MTARC2: variants seen among roughly 807,000 people sequenced by gnomAD.
MTARC2 encodes the protein MOCO sulphurase C-terminal domain containing 2.
In MTARC2, 27 loss-of-function variants were observed where a neutral mutation model predicts 35.6. That is an observed-to-expected ratio of 0.76 (90% confidence interval 0.56 to 1.04). MTARC2 has a LOEUF of 1.04. MTARC2 is among the 50% of genes least tolerant of loss of function. The pLI, the probability that MTARC2 is intolerant of heterozygous loss-of-function variation, is 0.00. For synonymous variants in MTARC2, 158 were observed against 167.1 expected, an observed-to-expected ratio of 0.95 and a Z score of 0.42; for missense variants, 412 against 432.5, an observed-to-expected ratio of 0.95 and a Z score of 0.42.
At chr1:220,768,744 G>T (rs1280414787) in intron 4 of MTARC2, among the ~76,000 whole-genome samples, 1 of 152,132 alleles carries the variant, frequency 6.6e-6, no homozygotes, top group Non-Finnish European at 1.5e-5. Flanking sequence ...AGGAAGATTA[G>T]CCTGAATTTC....
chr1:220,765,825 G>T (rs2102555816), intron 4 of MTARC2, among the ~76,000 whole-genome samples: 1 of 152,322 alleles, frequency 6.6e-6, no homozygotes, highest in East Asian at 1.9e-4. Flanking sequence ...CAAGCAATCT[G>T]CCTGTCTTGG....
rs371722709 is a variant in MTARC2, at chr1:220,772,700, T to TTGTGTGTGTG, written c.751-7308_751-7299dup. 4.3e-4 allele frequency among the ~76,000 whole-genome samples: 64 copies of TTGTGTGTGTG among 148,718 alleles called. 1 individual carries two copies. Among genetic ancestry groups the TTGTGTGTGTG allele is most frequent in the African/African-American group, 1.5e-3 (60 of 40,606 alleles). On this transcript the variant is annotated intron_variant, in intron 4 of 7. Transcript: ENST00000366913. ...CTGGGCAGGGTGTGTGTGTGTGTGT[T>TTGTGTGTGTG]TGTGTGTGTGTGTGTGTGTTTGGGG...
chr1:220,769,957 A>AT (rs1671695554), intron 4 of MTARC2, among the ~76,000 whole-genome samples: 1 of 147,690 alleles, frequency 6.8e-6, no homozygotes, highest in East Asian at 2.0e-4. Flanking sequence ...AAAAAAAAAA[A>AT]TTAAGCGGGC....
chr1:220,779,834 G>A, intron 4 of MTARC2, 184 bp from the exon 5 acceptor site: 1 of 459,976 alleles, frequency 2.2e-6, no homozygotes, highest in African/African-American at 2.0e-5. Context: ...TGGGAGTCAA[G>A]AGGTGGACCT....
intron 4 of MTARC2, among the ~76,000 whole-genome samples, chr1:220,776,196 G>T (rs538653575): frequency 6.6e-6 from 1 of 152,146 alleles, no homozygotes; most frequent in Non-Finnish European, 1.5e-5. Context: ...GTTATTTTTT[G>T]ACTTTTTAGT....
chr1:220,779,423 T>A (rs1294904618), intron 4 of MTARC2, among the ~76,000 whole-genome samples: 1 of 152,226 alleles, frequency 6.6e-6, no homozygotes, highest in Non-Finnish European at 1.5e-5. Context: ...AAAATGGGGC[T>A]CATGATAGCG....
At chr1:220,768,804 T>G (rs1014452326) in intron 4 of MTARC2, among the ~76,000 whole-genome samples, 1 of 152,236 alleles carries the variant, frequency 6.6e-6, no homozygotes, top group Non-Finnish European at 1.5e-5. Flanking sequence ...GAAAGTCATT[T>G]TTCTTTCGTA....
chr1:220,751,899 C>G (rs443071), intron 1 of MTARC2, among the ~76,000 whole-genome samples: 57,287 of 152,150 alleles, frequency 0.38, 14,308 homozygotes, highest in East Asian at 0.71. Flanking sequence ...GTTATTCATT[C>G]ACTGGGCATC....
At chr1:220,773,435 G>T (rs1671801037) in intron 4 of MTARC2, among the ~76,000 whole-genome samples, 1 of 152,192 alleles carries the variant, frequency 6.6e-6, no homozygotes, top group Admixed American at 6.5e-5. Context: ...AATAAGTCAG[G>T]AACAACAGTA....
At position 220,748,408 on chromosome 1, in the gene MTARC2, G is replaced by T; in HGVS notation, c.-124G>T. 2.0e-6 allele frequency: 2 copies of T among 998,396 alleles called. No individual in the cohort carries two copies. The highest frequency in any genetic ancestry group is 2.6e-6 in the Non-Finnish European group (2 of 762,794). The allele number at this position is 998,396 out of a possible 1,614,324, so 61.8% of individuals were successfully genotyped here. A position where few individuals can be genotyped will look rare whatever the true frequency, so the allele number is the denominator to read the frequency against. On this transcript the variant is annotated 5_prime_UTR_variant, in exon 1 of 8. The change creates a new upstream start codon in the 5' untranslated region. Coordinates refer to ENST00000366913, the MANE Select transcript of MTARC2 (RefSeq NM_017898.5). ...CCGTCTCGGCGGTGAAAGTGTGAGA[G>T]GGTCCGTAGTTGGGTCAACTTTGAC...
Position 220,781,726 on chromosome 1 carries a change from T to C in MTARC2, c.885-52T>C, listed in dbSNP as rs1282877759. The stretch of plus-strand genomic sequence containing the variant: ...AAACTTGAGTTCTATTGAGAATACT[T>C]CGATTATTATTTCCTTTTTGTGTCT... On this transcript the variant is annotated intron_variant, in intron 6 of 7. Coordinates refer to ENST00000366913, the MANE Select transcript of MTARC2 (RefSeq NM_017898.5). 8 of 1,604,144 alleles carry C rather than the reference T, an allele frequency of 5.0e-6. No homozygotes were observed. In the East Asian group the frequency reaches 1.8e-4, roughly 36 times the overall value.
intron 4 of MTARC2, among the ~76,000 whole-genome samples, chr1:220,776,035 A>G (rs1572316730): frequency 6.6e-6 from 1 of 152,346 alleles, no homozygotes; most frequent in South Asian, 2.1e-4. Flanking sequence ...TCCTTTGGGT[A>G]TATACCCAGT....
At chr1:220,762,336 T>C (rs1463520987) in intron 3 of MTARC2, among the ~76,000 whole-genome samples, 2 of 152,146 alleles carry the variant, frequency 1.3e-5, no homozygotes, top group South Asian at 2.1e-4. Context: ...AGTGCCGACA[T>C]GTACGATGGT....
At chr1:220,777,268 G>A (rs1366232433) in intron 4 of MTARC2, among the ~76,000 whole-genome samples, 5 of 152,218 alleles carry the variant, frequency 3.3e-5, no homozygotes, top group Non-Finnish European at 2.9e-5. Flanking sequence ...GTCATGCCCT[G>A]TAGGAGATTT....
chr1:220,780,761 C>A (rs6701709), intron 6 of MTARC2, among the ~76,000 whole-genome samples: 1 of 151,912 alleles, frequency 6.6e-6, no homozygotes, highest in Non-Finnish European at 1.5e-5. Flanking sequence ...ACTTTTAATT[C>A]TATAATACTA....
chr1:220,748,885 G>A, intron 1 of MTARC2, 82 bp downstream of exon 1: 1 of 1,434,528 alleles, frequency 7.0e-7, no homozygotes, highest in Non-Finnish European at 9.1e-7. Flanking sequence ...CGATCTATCT[G>A]GGAAGGACTA....
chr1:220,782,238 G>A (rs959264305), intron 7 of MTARC2, among the ~76,000 whole-genome samples: 3 of 152,166 alleles, frequency 2.0e-5, no homozygotes, highest in East Asian at 1.9e-4. Context: ...GGAAATGAAG[G>A]TGATTGATTC....
intron 4 of MTARC2, among the ~76,000 whole-genome samples, chr1:220,768,450 T>A (rs931145751): frequency 3.3e-5 from 5 of 152,174 alleles, no homozygotes; most frequent in African/African-American, 1.2e-4. Flanking sequence ...AAACTGAGAC[T>A]CAGAGAAGTT....
At chr1:220,762,388 G>T (rs1222341295) in intron 3 of MTARC2, among the ~76,000 whole-genome samples, 2 of 152,162 alleles carry the variant, frequency 1.3e-5, no homozygotes, top group African/African-American at 4.8e-5. Flanking sequence ...CTCTGATTCT[G>T]CCATGAGCTA....
Sources: allele counts gnomAD v4.1 joint callset (sites outside exome capture counted in the v4.1 genomes callset), GRCh38; gene constraint gnomAD v4.1.1; transcripts MANE v1.5; gene names NCBI Gene and HGNC (gene_info 2026-07-23, HGNC 2026-07-21).